Variants in CACNB4 observed in about 807,000 individuals in gnomAD.
The protein encoded by CACNB4 is calcium voltage-gated channel auxiliary subunit beta 4.
CACNB4 carries 32 observed loss-of-function variants against 71.2 expected under a neutral mutation model. The observed-to-expected ratio is 0.45, with a 90% confidence interval of 0.34 to 0.60. The LOEUF is 0.60. Among genes scored for constraint, CACNB4 ranks in the 20% least tolerant of loss-of-function variants. The pLI, the probability that CACNB4 is intolerant of heterozygous loss-of-function variation, is 0.01. For synonymous variants in CACNB4, 231 were observed against 236.9 expected, an observed-to-expected ratio of 0.97 and a Z score of 0.23; for missense variants, 464 against 647.9, an observed-to-expected ratio of 0.72 and a Z score of 3.08.
At chr2:151,975,828 G>A (rs62176798) in intron 2 of CACNB4, among the ~76,000 whole-genome samples, 3,463 of 152,190 alleles carry the variant, frequency 0.023, 46 homozygotes, top group Middle Eastern at 0.031. Context: ...ATCATTTCCC[G>A]ACTTTACCAC....
chr2:152,059,584 G>A (rs1455763451), intron 2 of CACNB4, among the ~76,000 whole-genome samples: 1 of 152,236 alleles, frequency 6.6e-6, no homozygotes, highest in East Asian at 1.9e-4. Context: ...TATCCACATT[G>A]TATCTTGGAA....
intron 2 of CACNB4, among the ~76,000 whole-genome samples, chr2:152,082,260 T>C (rs984773277): frequency 2.5e-4 from 38 of 152,242 alleles, no homozygotes; most frequent in African/African-American, 7.2e-4. Context: ...TTTCCTCCTG[T>C]AAACTCCACA....
At chr2:151,951,791 A>T (rs371080767) in intron 2 of CACNB4, among the ~76,000 whole-genome samples, 2 of 152,322 alleles carry the variant, frequency 1.3e-5, no homozygotes, top group South Asian at 4.1e-4. Flanking sequence ...TCCTCTGCAC[A>T]AGGAAGCTGA....
chr2:152,001,907 A>G (rs1348881318), intron 2 of CACNB4, among the ~76,000 whole-genome samples: 3 of 152,188 alleles, frequency 2.0e-5, no homozygotes, highest in Non-Finnish European at 4.4e-5. Context: ...ATGCAAAAAT[A>G]GCAGGGAGGT....
chr2:152,000,786 C>T (rs1465841277), intron 2 of CACNB4, among the ~76,000 whole-genome samples: 5 of 152,196 alleles, frequency 3.3e-5, no homozygotes, highest in African/African-American at 1.2e-4. Flanking sequence ...AGCACTCACA[C>T]GCCCCTGACC....
At chr2:151,973,671 C>T in intron 2 of CACNB4, 2 of 1,613,318 alleles carry the variant, frequency 1.2e-6, no homozygotes, top group Non-Finnish European at 1.7e-6. Flanking sequence ...ATACTTACAG[C>T]CTCCGAGTCT....
intron 2 of CACNB4, among the ~76,000 whole-genome samples, chr2:151,896,935 G>A (rs1309345877): frequency 1.3e-5 from 2 of 152,174 alleles, no homozygotes; most frequent in African/African-American, 4.8e-5. Context: ...GTAAAGTGTG[G>A]TGAACCCTGG....
At chr2:152,009,962 T>C (rs921649817) in intron 2 of CACNB4, among the ~76,000 whole-genome samples, 2 of 152,236 alleles carry the variant, frequency 1.3e-5, no homozygotes, top group Non-Finnish European at 2.9e-5. Context: ...TGTGTTGAAA[T>C]GTACTTTCTT....
intron 2 of CACNB4, among the ~76,000 whole-genome samples, chr2:151,912,315 T>C (rs1433777182): frequency 6.6e-6 from 1 of 151,342 alleles, no homozygotes; most frequent in African/African-American, 2.4e-5. Context: ...GTGCTATACA[T>C]TTCTGTCTTA....
chr2:151,997,458 C>G (rs1682119420), intron 2 of CACNB4, among the ~76,000 whole-genome samples: 1 of 151,900 alleles, frequency 6.6e-6, no homozygotes, highest in African/African-American at 2.4e-5. Flanking sequence ...GGCGTGAACC[C>G]AGGAGGCAGA....
In CACNB4 at chr2:151,837,613, A is replaced by G. The variant is rs1292203897; in HGVS notation, c.*1506T>C. 1 of 151,948 alleles carries G rather than the reference A, an allele frequency of 6.6e-6. No individual in the cohort carries two copies. Among genetic ancestry groups the G allele is most frequent in the Non-Finnish European group, 1.5e-5 (1 of 67,950 alleles). 9.4% of individuals were successfully genotyped at this position (151,948 alleles called of 1,614,324 possible). A position where few individuals can be genotyped will look rare whatever the true frequency, so the allele number is the denominator to read the frequency against. On this transcript the variant is annotated 3_prime_UTR_variant, in exon 14 of 14. Coordinates refer to ENST00000539935, the MANE Select transcript of CACNB4 (RefSeq NM_000726.5). ...ATGCATGCACTATGGACATTTAGAAATAAGTTTTTTTTTTTAAAGACATTT... is the reference window on the plus strand; with the variant it reads ...ATGCATGCACTATGGACATTTAGAAGTAAGTTTTTTTTTTTAAAGACATTT...
chr2:151,971,592 T>G, intron 2 of CACNB4: 7 of 702,998 alleles, frequency 1.0e-5, no homozygotes, highest in East Asian at 2.7e-5. Context: ...GAGGTGGCAC[T>G]CCAGGTGTGG....
chr2:151,925,195 C>T (rs1052401888), intron 2 of CACNB4, among the ~76,000 whole-genome samples: 1 of 152,182 alleles, frequency 6.6e-6, no homozygotes, highest in African/African-American at 2.4e-5. Context: ...TACCTGCACT[C>T]TAAGCTACTT....
chr2:152,077,225 G>A (rs933985602), intron 2 of CACNB4, among the ~76,000 whole-genome samples: 1 of 151,956 alleles, frequency 6.6e-6, no homozygotes, highest in South Asian at 2.1e-4. Flanking sequence ...GTTCAAGACC[G>A]GCCTGGCCAA....
intron 2 of CACNB4, among the ~76,000 whole-genome samples, chr2:151,909,827 T>G (rs1313591436): frequency 6.6e-6 from 1 of 152,226 alleles, no homozygotes; most frequent in Non-Finnish European, 1.5e-5. Flanking sequence ...TTTGGGTTGG[T>G]TCCATGTCTT....
intron 2 of CACNB4, among the ~76,000 whole-genome samples, chr2:151,992,595 C>T (rs1256605975): frequency 1.3e-5 from 2 of 152,162 alleles, no homozygotes; most frequent in South Asian, 2.1e-4. Context: ...CTGTAAATGG[C>T]GTGGCTGTTG....
chr2:151,912,301 T>C (rs2151540007), intron 2 of CACNB4, among the ~76,000 whole-genome samples: 1 of 152,344 alleles, frequency 6.6e-6, no homozygotes, highest in Middle Eastern at 3.4e-3. Flanking sequence ...GATGTGGGCA[T>C]TTAGTGCTAT....
At chr2:152,062,013 AAATAATAATAAT>A (rs10664776) in intron 2 of CACNB4, among the ~76,000 whole-genome samples, 6,618 of 141,166 alleles carry the variant, frequency 0.047, 501 homozygotes, top group African/African-American at 0.16. Flanking sequence ...TTCCATCTCA[AAATAATAATAAT>A]AATAATAATA....
intron 2 of CACNB4, among the ~76,000 whole-genome samples, chr2:152,096,433 G>A (rs1014418198): frequency 1.3e-5 from 2 of 152,166 alleles, no homozygotes; most frequent in African/African-American, 4.8e-5. Context: ...GCAGTAAGCA[G>A]AGACTGCGTC....
Sources: allele counts gnomAD v4.1 joint callset (sites outside exome capture counted in the v4.1 genomes callset), GRCh38; gene constraint gnomAD v4.1.1; transcripts MANE v1.5; gene names NCBI Gene and HGNC (gene_info 2026-07-23, HGNC 2026-07-21).